THOC2: variants seen among roughly 807,000 people sequenced by gnomAD.
THOC2 encodes THO complex subunit 2, also known as THO complex 2.
Under a neutral mutation model 128.4 loss-of-function variants are expected in THOC2, and 10 were observed. That is an observed-to-expected ratio of 0.08 (90% CI 0.05 to 0.13). The LOEUF (loss-of-function observed/expected upper bound fraction) is 0.13. Ranked by LOEUF, THOC2 falls within the 10% of genes least tolerant of loss-of-function variation. THOC2 has a pLI of 1.00. For synonymous variants in THOC2, 393 were observed against 396.9 expected (o/e 0.99, Z 0.12); for missense variants, 535 against 1,155.7 (o/e 0.46, Z 7.79).
At chrX:123,698,913 T>C (rs1274804117) in intron 4 of THOC2, among the ~76,000 whole-genome samples, 2 of 111,153 alleles carry the variant, frequency 1.8e-5, no homozygotes, top group African/African-American at 6.5e-5. Context: ...TGAATTATAA[T>C]TCTAGTCAGT....
At chrX:123,645,219 T>C (rs2048074535) in intron 13 of THOC2, 115 bp downstream of exon 13, 1 of 530,278 alleles carries the variant, frequency 1.9e-6, no homozygotes, top group Non-Finnish European at 2.9e-6. Flanking sequence ...AATCAGCATC[T>C]ACATTATAAA....
At chrX:123,642,904 T>C (rs1284402516) in intron 15 of THOC2, among the ~76,000 whole-genome samples, 3 of 111,551 alleles carry the variant, frequency 2.7e-5, no homozygotes. Flanking sequence ...TTATACCTTT[T>C]ATATTTACTG....
chrX:123,629,878 A>T (rs1243442331), intron 22 of THOC2, among the ~76,000 whole-genome samples: 1 of 112,173 alleles, frequency 8.9e-6, no homozygotes, highest in African/African-American at 3.2e-5. Context: ...AAGACAGCCT[A>T]ATTACCTGTT....
In THOC2 at chrX:123,696,008, A is replaced by G. The variant is rs1451175237; in HGVS notation, c.601+13T>C. 2.9e-6 allele frequency: 3 copies of G among 1,028,260 alleles called. No homozygotes were observed. Among genetic ancestry groups the G allele is most frequent in the Non-Finnish European group, 4.1e-6 (3 of 736,152 alleles). 84.7% of individuals were successfully genotyped at this position (1,028,260 alleles called of 1,213,427 possible). On this transcript the variant is annotated intron_variant, in intron 7 of 38. Coordinates refer to ENST00000245838, the MANE Select transcript of THOC2 (RefSeq NM_001081550.2). Reference sequence around the variant, plus strand: ...TATCTTAACAACACATACTATACAGATAAATGTCTTACCTATTAAAGATTT... The same window carrying G: ...TATCTTAACAACACATACTATACAGGTAAATGTCTTACCTATTAAAGATTT...
chrX:123,680,062 T>TCC (rs1241408388), intron 8 of THOC2, among the ~76,000 whole-genome samples: 6 of 111,215 alleles, frequency 5.4e-5, no homozygotes, highest in Admixed American at 1.9e-4. Flanking sequence ...GACCTGACCG[T>TCC]CCCCCAGTCC....
chrX:123,658,878 T>C (rs1052018945), intron 12 of THOC2, among the ~76,000 whole-genome samples: 2 of 111,835 alleles, frequency 1.8e-5, no homozygotes, highest in Non-Finnish European at 3.8e-5. Flanking sequence ...GTGGGAGATG[T>C]TGATTACAAG....
At chrX:123,648,449 A>C (rs2048220875) in intron 12 of THOC2, among the ~76,000 whole-genome samples, 1 of 111,372 alleles carries the variant, frequency 9.0e-6, no homozygotes, top group African/African-American at 3.3e-5. Flanking sequence ...CGCCTGGAAC[A>C]CCAGGCGAGA....
At chrX:123,655,516 A>G (rs754210886) in intron 12 of THOC2, among the ~76,000 whole-genome samples, 2 of 112,134 alleles carry the variant, frequency 1.8e-5, no homozygotes, top group Non-Finnish European at 3.8e-5. Context: ...ATAGTATACT[A>G]AACAGCTATA....
chrX:123,604,371 GTTTTT>G (rs1052444931), intron 38 of THOC2, among the ~76,000 whole-genome samples: 1 of 100,884 alleles, frequency 9.9e-6, no homozygotes, highest in African/African-American at 3.5e-5. Context: ...TGAGTTGTTT[GTTTTT>G]TTTTTTTCTT....
intron 8 of THOC2, among the ~76,000 whole-genome samples, 190 bp downstream of exon 8, chrX:123,686,358 T>C (rs1480490660): frequency 8.9e-6 from 1 of 112,251 alleles, no homozygotes; most frequent in Non-Finnish European, 1.9e-5. Context: ...TCCTCTAGGC[T>C]TTCACATCAC....
At chrX:123,703,725 CA>C (rs761049104) in intron 3 of THOC2, among the ~76,000 whole-genome samples, 4,566 of 29,770 alleles carry the variant, frequency 0.15, 292 homozygotes, top group East Asian at 0.38. Flanking sequence ...CCATCTCTAC[CA>C]AAAAAAAAAA....
rs754470414 is a variant in THOC2 at position 123,706,945 on chromosome X, G to A, written c.135C>T (p.Phe45=). ...ATGACAACTCATAGAGAGCTTGCTGGAAATCTGTTGAACATAAGAGAAATA... is the reference window on the plus strand; with the variant it reads ...ATGACAACTCATAGAGAGCTTGCTGAAAATCTGTTGAACATAAGAGAAATA... ...KSHDSSTYRD[F]QQALYELSYH... is the part of the protein sequence containing the mutation. The change falls in exon 3 of 39, where the codon TTC becomes TTT. Residue 45 remains phenylalanine, a synonymous_variant. Transcript: ENST00000245838. 19 of 1,084,928 alleles carry A rather than the reference G, an allele frequency of 1.8e-5. No individual in the cohort carries two copies. In the Middle Eastern group the frequency reaches 2.9e-3, roughly 165 times the overall value. The allele number at this position is 1,084,928 out of a possible 1,213,427, so 89.4% of individuals were successfully genotyped here. A position where few individuals can be genotyped will look rare whatever the true frequency, so the allele number is the denominator to read the frequency against.
intron 12 of THOC2, among the ~76,000 whole-genome samples, chrX:123,665,094 A>T (rs2048997432): frequency 9.0e-6 from 1 of 111,584 alleles, no homozygotes; most frequent in African/African-American, 3.3e-5. Flanking sequence ...TTATATTAAT[A>T]TATACAGTTA....
chrX:123,667,612 C>A (rs2049099186), intron 10 of THOC2, among the ~76,000 whole-genome samples: 1 of 110,653 alleles, frequency 9.0e-6, no homozygotes, highest in African/African-American at 3.3e-5. Flanking sequence ...GTGGCGCATG[C>A]CTGTAGTCCC....
At position 123,656,330 on chromosome X, in the gene THOC2, TAAAAA is replaced by T. The variant is rs758091588; in HGVS notation, c.1386+9307_1386+9311del. On this transcript the variant is annotated intron_variant, in intron 12 of 38. Transcript: ENST00000245838. The stretch of plus-strand genomic sequence containing the variant: ...TGGGCAACAAGAGCGAGACTCCGTC[TAAAAA>T]AAAAAAAAAAAAAAAAAAGAGAGAG... Among the ~76,000 whole-genome samples the T allele has an allele frequency of 4.0e-4, 15 of 37,961 alleles. No homozygotes were observed. The South Asian group carries it at 0.02, about 51-fold the overall frequency. The allele number at this position is 37,961 out of a possible 115,157, so 33.0% of individuals were successfully genotyped here.
intron 12 of THOC2, among the ~76,000 whole-genome samples, chrX:123,657,401 A>G (rs774002842): frequency 2.7e-5 from 3 of 111,113 alleles, no homozygotes; most frequent in African/African-American, 9.8e-5. Context: ...ACACCAAGCA[A>G]GACAGATGCA....
intron 5 of THOC2, among the ~76,000 whole-genome samples, chrX:123,697,322 CTCTAT>C (rs370363298): frequency 1.8e-5 from 2 of 112,115 alleles, no homozygotes; most frequent in African/African-American, 6.5e-5. Flanking sequence ...TTTAAACTAC[CTCTAT>C]TCTTTTACTC....
chrX:123,658,938 C>T lies in THOC2; in HGVS notation c.1386+6704G>A, dbSNP rs1014360660. ...GGGGCTATATAGCAAATCTTTGTGC[C>T]TTCCTCTGGATTTTGCTGTGAACCT... On this transcript the variant is annotated intron_variant, in intron 12 of 38. Coordinates refer to ENST00000245838, the MANE Select transcript of THOC2 (RefSeq NM_001081550.2). Among the ~76,000 whole-genome samples the T allele has an allele frequency of 8.0e-5, 9 of 111,826 alleles. No homozygotes were observed. The East Asian group carries it at 2.5e-3, about 31-fold the overall frequency.
intron 2 of THOC2, among the ~76,000 whole-genome samples, chrX:123,708,284 T>C (rs940696148): frequency 8.1e-5 from 9 of 111,707 alleles, no homozygotes; most frequent in Non-Finnish European, 1.9e-5. Flanking sequence ...ATTCCAATTA[T>C]TTATGAAGAA....
Sources: allele counts gnomAD v4.1 joint callset (sites outside exome capture counted in the v4.1 genomes callset), GRCh38; gene constraint gnomAD v4.1.1; transcripts MANE v1.5; gene names NCBI Gene and HGNC (gene_info 2026-07-23, HGNC 2026-07-21).